Variants in OR8G5 observed in about 807,000 individuals in gnomAD.
OR8G5 encodes the protein olfactory receptor family 8 subfamily G member 5.
For synonymous variants in OR8G5, 147 were observed against 147.7 expected (o/e 1.00, Z 0.03); for missense variants, 347 against 371.9 (o/e 0.93, Z 0.55).
Position 124,265,223 on chromosome 11 carries a change from A to G in OR8G5, c.292A>G (p.Met98Val). Reference sequence around the variant, plus strand: ...GAACATCATCTCCTACCCTGAATGCATGACTCAGCTCTACTTCTTCCTCGT... The same window carrying G: ...GAACATCATCTCCTACCCTGAATGCGTGACTCAGCTCTACTTCTTCCTCGT... ...EKNIISYPEC[M>V]TQLYFFLVFA... The change falls in exon 2 of 2, where the codon ATG becomes GTG. Residue 98 changes from methionine (M) to valine (V), a missense_variant. By Grantham distance (21) the Met-to-Val change is conservative. Coordinates refer to ENST00000641992, the MANE Select transcript of OR8G5 (RefSeq NM_001005198.2). 2 of 1,614,044 alleles carry G rather than the reference A, an allele frequency of 1.2e-6. No individual in the cohort carries two copies. Among genetic ancestry groups the G allele is most frequent in the Non-Finnish European group, 1.7e-6 (2 of 1,179,908 alleles).
At chr11:124,262,993 T>A (rs1861988062) in intron 1 of OR8G5, among the ~76,000 whole-genome samples, 1 of 119,860 alleles carries the variant, frequency 8.3e-6, no homozygotes, top group Non-Finnish European at 2.1e-5. Context: ...TCAGGTGTTT[T>A]TGTTTTGTTT....
intron 1 of OR8G5, among the ~76,000 whole-genome samples, chr11:124,262,517 G>C (rs977717191): frequency 5.3e-5 from 8 of 151,872 alleles, no homozygotes; most frequent in African/African-American, 1.7e-4. Context: ...TAGGTCTAGA[G>C]AGCTACACTG....
rs769692459 is a variant in OR8G5, at chr11:124,265,563, G to T, written c.632G>T (p.Ser211Ile). Residue 211 changes from serine to isoleucine, a missense_variant, in exon 2 of 2, where the codon AGC (serine) becomes ATC (isoleucine). Transcript: ENST00000641992. ...IFSGINILVPSLTILSSYIFI... is the reference protein window; with the variant it reads ...IFSGINILVPILTILSSYIFI... ...AGTGGAATTAACATCCTTGTCCCCA[G>T]CCTGACCATCCTCAGCTCTTACATC... 1.9e-6 allele frequency: 3 copies of T among 1,613,740 alleles called. No homozygotes were observed. The African/African-American group carries it at 4.0e-5, about 22-fold the overall frequency.
intron 1 of OR8G5, among the ~76,000 whole-genome samples, chr11:124,259,026 C>G (rs1022810036): frequency 6.6e-6 from 1 of 152,054 alleles, no homozygotes; most frequent in African/African-American, 2.4e-5. Context: ...AACCAGATAT[C>G]TTATATGGGA....
intron 1 of OR8G5, among the ~76,000 whole-genome samples, chr11:124,262,580 A>G (rs1861982245): frequency 6.6e-6 from 1 of 151,988 alleles, no homozygotes; most frequent in African/African-American, 2.4e-5. Context: ...TTGCAAAGAA[A>G]CATAATGTTT....
In OR8G5 at chr11:124,264,971, C is replaced by G. The variant is rs749767750; in HGVS notation, c.40C>G (p.Leu14Val). ...CCATTCTTTTGTGACTAAGTTTATT[C>G]TGGTTGGGCTAACAGAGAAGTCAGA... ...ENHSFVTKFI[L>V]VGLTEKSELQ... Residue 14 changes from leucine to valine, a missense_variant, in exon 2 of 2, where the codon CTG becomes GTG. Leu to Val is a conservative substitution (Grantham distance 32). Coordinates refer to ENST00000641992, the MANE Select transcript of OR8G5 (RefSeq NM_001005198.2). The G allele has an allele frequency of 6.8e-6, 11 of 1,613,908 alleles. No homozygotes were observed. In the East Asian group the frequency reaches 2.5e-4, roughly 36 times the overall value.
intron 1 of OR8G5, among the ~76,000 whole-genome samples, chr11:124,261,402 C>T (rs2137758912): frequency 6.6e-6 from 1 of 151,910 alleles, no homozygotes; most frequent in East Asian, 1.9e-4. Context: ...AAATAGTATG[C>T]TGTGCAAACA....
At chr11:124,258,677 G>A (rs1375881912) in intron 1 of OR8G5, among the ~76,000 whole-genome samples, 1 of 152,096 alleles carries the variant, frequency 6.6e-6, no homozygotes, top group Non-Finnish European at 1.5e-5. Context: ...AGTGCCCATA[G>A]AAGATGGTAA....
At chr11:124,257,415 A>G (rs185772537) in intron 1 of OR8G5, among the ~76,000 whole-genome samples, 1 of 152,282 alleles carries the variant, frequency 6.6e-6, no homozygotes, top group Non-Finnish European at 1.5e-5. Context: ...TAAGTATGAA[A>G]CCCAAGAAGG....
At chr11:124,263,446 C>T (rs1223545969) in intron 1 of OR8G5, among the ~76,000 whole-genome samples, 6 of 151,508 alleles carry the variant, frequency 4.0e-5, no homozygotes, top group Non-Finnish European at 8.8e-5. Flanking sequence ...GTGCTGCACC[C>T]ATTAACTTGT....
At chr11:124,263,579 A>G (rs1373901823) in intron 1 of OR8G5, among the ~76,000 whole-genome samples, 2 of 138,580 alleles carry the variant, frequency 1.4e-5, no homozygotes, top group Non-Finnish European at 3.0e-5. Context: ...GTTCCCACCT[A>G]TGAGTGAGAA....
chr11:124,263,725 T>C (rs1336733820), intron 1 of OR8G5, among the ~76,000 whole-genome samples: 1 of 112,846 alleles, frequency 8.9e-6, no homozygotes, highest in Admixed American at 9.6e-5. Flanking sequence ...TCCAGAAGTT[T>C]TATAGTTAGT....
chr11:124,259,145 G>A (rs1861940612), intron 1 of OR8G5, among the ~76,000 whole-genome samples: 1 of 144,006 alleles, frequency 6.9e-6, no homozygotes, highest in African/African-American at 2.5e-5. Context: ...CATTGATTTA[G>A]AAGTGTCATT....
intron 1 of OR8G5, among the ~76,000 whole-genome samples, chr11:124,259,099 G>A (rs1043147117): frequency 2.0e-5 from 3 of 152,034 alleles, no homozygotes; most frequent in African/African-American, 7.2e-5. Context: ...ATTTTAATTT[G>A]TTTCAACTCT....
Position 124,266,068 on chromosome 11 carries a change from A to T in OR8G5, c.*201A>T. 1.6e-6 allele frequency: 1 copy of T among 616,564 alleles called. No individual in the cohort carries two copies. The allele number at this position is 616,564 out of a possible 1,614,324, so 38.2% of individuals were successfully genotyped here. A position where few individuals can be genotyped will look rare whatever the true frequency, so the allele number is the denominator to read the frequency against. ...CTCTCATAAGGATTACGAAGACATG[A>T]TATTTTCTTAGAAGAAATAATAAGA... On this transcript the variant is annotated 3_prime_UTR_variant, in exon 2 of 2. Coordinates refer to ENST00000641992, the MANE Select transcript of OR8G5 (RefSeq NM_001005198.2).
rs955046412 is a variant in OR8G5, at chr11:124,265,992, G to C, written c.*125G>C. On this transcript the variant is annotated 3_prime_UTR_variant, in exon 2 of 2. Transcript: ENST00000641992. ...TCTAATTTGGGGGGATTTTACTGACGTTATGTCTTATGCACATGGTCTATT... is the reference window on the plus strand; with the variant it reads ...TCTAATTTGGGGGGATTTTACTGACCTTATGTCTTATGCACATGGTCTATT... 13 of 1,214,702 alleles carry C rather than the reference G, an allele frequency of 1.1e-5. No individual in the cohort carries two copies. Among genetic ancestry groups the C allele is most frequent in the African/African-American group, 1.5e-5 (1 of 65,090 alleles). 75.2% of individuals were successfully genotyped at this position (1,214,702 alleles called of 1,614,324 possible).
intron 1 of OR8G5, among the ~76,000 whole-genome samples, chr11:124,256,934 T>C (rs990296807): frequency 6.6e-6 from 1 of 152,268 alleles, no homozygotes; most frequent in South Asian, 2.1e-4. Context: ...TACAAGGAAT[T>C]GGAGAATGGT....
chr11:124,262,756 A>G lies in OR8G5; in HGVS notation c.-14-2162A>G, dbSNP rs553474230. On this transcript the variant is annotated intron_variant, in intron 1 of 1. Transcript: ENST00000641992. ...GAACATTTGAGGTTGTTTCTAACTT[A>G]TGGTTGTTTTGAATAAGGCTGCCAT... Among the ~76,000 whole-genome samples, 128 of 152,048 alleles carry G rather than the reference A, an allele frequency of 8.4e-4. 1 individual carries two copies. The highest frequency in any genetic ancestry group is 2.9e-3 in the African/African-American group (122 of 41,496).
At chr11:124,262,680 CACACACACAT>C (rs1186742422) in intron 1 of OR8G5, among the ~76,000 whole-genome samples, 2 of 151,766 alleles carry the variant, frequency 1.3e-5, no homozygotes, top group African/African-American at 2.4e-5. Context: ...CATATACACA[CACACACACAT>C]ACACACACAC....
Sources: allele counts gnomAD v4.1 joint callset (sites outside exome capture counted in the v4.1 genomes callset), GRCh38; gene constraint gnomAD v4.1.1; transcripts MANE v1.5; gene names NCBI Gene and HGNC (gene_info 2026-07-23, HGNC 2026-07-21).